The following MYRIP variants were observed in gnomAD, a reference collection of about 807,000 sequenced individuals.
The protein encoded by MYRIP is rab effector MyRIP.
MYRIP carries 49 observed loss-of-function variants against 98.0 expected under a neutral mutation model. That is an observed-to-expected ratio of 0.50 (90% confidence interval 0.40 to 0.63). The LOEUF is 0.63. Among genes scored for constraint, MYRIP ranks in the 30% least tolerant of loss-of-function variants. The pLI is 0.00. For missense variants in MYRIP, 1,004 were observed against 1,058.2 expected (o/e 0.95, Z 0.71); for synonymous variants, 404 against 409.5 (o/e 0.99, Z 0.16).
At chr3:40,027,160 G>C (rs926890027) in intron 2 of MYRIP, among the ~76,000 whole-genome samples, 1 of 152,004 alleles carries the variant, frequency 6.6e-6, no homozygotes, top group Non-Finnish European at 1.5e-5. Context: ...TCCATGAACA[G>C]CTTCACTCCC....
intron 3 of MYRIP, among the ~76,000 whole-genome samples, chr3:40,094,011 G>A (rs557415186): frequency 6.6e-6 from 1 of 152,060 alleles, no homozygotes; most frequent in Admixed American, 6.5e-5. Flanking sequence ...CAAGGCCTTT[G>A]CACGTGCTAT....
chr3:40,089,464 GC>G (rs1948698345), intron 3 of MYRIP, among the ~76,000 whole-genome samples: 1 of 152,182 alleles, frequency 6.6e-6, no homozygotes, highest in African/African-American at 2.4e-5. Context: ...CCATCTTTAA[GC>G]TTGGCGGCTT....
chr3:39,844,870 C>G (rs1941912593), intron 1 of MYRIP, among the ~76,000 whole-genome samples: 1 of 152,182 alleles, frequency 6.6e-6, no homozygotes, highest in Non-Finnish European at 1.5e-5. Context: ...TTGGGTTATG[C>G]ATACGGGACA....
Position 39,923,734 on chromosome 3 carries a change from T to G in MYRIP, c.110+22808T>G, listed in dbSNP as rs573003931. Among the ~76,000 whole-genome samples, 7 of 152,296 alleles carry G rather than the reference T, an allele frequency of 4.6e-5. No individual in the cohort carries two copies. In the East Asian group the frequency reaches 1.3e-3, roughly 29 times the overall value. ...AAATATTGATAAATACAATAGGCTT[T>G]CTTTATCCTTTTCTAAATATATTTT... On this transcript the variant is annotated intron_variant, in intron 2 of 16. Transcript: ENST00000302541.
intron 2 of MYRIP, among the ~76,000 whole-genome samples, chr3:39,931,965 T>C (rs746514873): frequency 6.6e-6 from 1 of 152,232 alleles, no homozygotes; most frequent in Non-Finnish European, 1.5e-5. Flanking sequence ...GGTCTGTACT[T>C]TTCTTGTGAT....
chr3:39,870,570 T>G (rs1286424963), intron 1 of MYRIP, among the ~76,000 whole-genome samples: 5 of 152,336 alleles, frequency 3.3e-5, no homozygotes, highest in African/African-American at 9.6e-5. Flanking sequence ...AGGAAATATT[T>G]CTCTAAAAGG....
rs775554230 is a variant in MYRIP at position 40,189,881 on chromosome 3, C to T, written c.1083C>T (p.Gly361=). 1.5e-5 allele frequency: 25 copies of T among 1,613,938 alleles called. No individual in the cohort carries two copies. Among genetic ancestry groups the T allele is most frequent in the East Asian group, 8.9e-5 (4 of 44,888 alleles). ...GGAACTGGGTGGCCCTGAAGGATGG[C>T]GCTCCACCCCCCACCCGACTACTGG... ...PDGNWVALKD[G]APPPTRLLAK... The change falls in exon 10 of 17, where the codon GGC becomes GGT. Residue 361 remains glycine, a synonymous_variant. Coordinates refer to ENST00000302541, the MANE Select transcript of MYRIP (RefSeq NM_015460.4).
chr3:40,058,867 G>T (rs1484737496), intron 3 of MYRIP, among the ~76,000 whole-genome samples: 1 of 152,022 alleles, frequency 6.6e-6, no homozygotes, highest in Non-Finnish European at 1.5e-5. Context: ...ATGTGCCATG[G>T]TGGTTTGCTG....
intron 1 of MYRIP, among the ~76,000 whole-genome samples, chr3:39,838,648 A>G (rs1941700482): frequency 6.6e-6 from 1 of 152,114 alleles, no homozygotes; most frequent in South Asian, 2.1e-4. Context: ...GATGTTCTTC[A>G]GGGTTATTGG....
chr3:39,836,624 TA>T (rs1480167531), intron 1 of MYRIP, among the ~76,000 whole-genome samples: 1 of 152,176 alleles, frequency 6.6e-6, no homozygotes, highest in East Asian at 1.9e-4. Flanking sequence ...ATGATTAAAG[TA>T]CACTGGCACA....
At chr3:40,062,424 C>T (rs1292737544) in intron 3 of MYRIP, among the ~76,000 whole-genome samples, 1 of 152,030 alleles carries the variant, frequency 6.6e-6, no homozygotes, top group Non-Finnish European at 1.5e-5. Context: ...AGCCTTAGTT[C>T]TGAAAGCCCT....
At chr3:39,824,476 T>C (rs1941206427) in intron 1 of MYRIP, among the ~76,000 whole-genome samples, 1 of 152,210 alleles carries the variant, frequency 6.6e-6, no homozygotes, top group Non-Finnish European at 1.5e-5. Flanking sequence ...ATTCATTATT[T>C]TGAACCTTGA....
rs534107724 is a variant in MYRIP, at chr3:40,192,042, C to T, written c.1665+1579C>T. Among the ~76,000 whole-genome samples, 43 of 151,822 alleles carry T rather than the reference C, an allele frequency of 2.8e-4. No homozygotes were observed. In the South Asian group the frequency reaches 8.3e-3, roughly 29 times the overall value. On this transcript the variant is annotated intron_variant, in intron 10 of 16. Coordinates refer to ENST00000302541, the MANE Select transcript of MYRIP (RefSeq NM_015460.4). ...AGTGACCTTGAGCTAGTGGCAGTAC[C>T]CACTCCTCTCCACTAGGTGGGGATG...
chr3:40,025,762 A>C (rs1947112547), intron 2 of MYRIP, among the ~76,000 whole-genome samples: 1 of 152,146 alleles, frequency 6.6e-6, no homozygotes, highest in African/African-American at 2.4e-5. Flanking sequence ...AGTTTTATTA[A>C]GGATTTCAAA....
chr3:40,104,057 T>C (rs1190320072), intron 3 of MYRIP, among the ~76,000 whole-genome samples: 1 of 152,198 alleles, frequency 6.6e-6, no homozygotes, highest in Non-Finnish European at 1.5e-5. Flanking sequence ...TGCACATAAG[T>C]CTAAATACCT....
At chr3:40,249,046 A>T (rs191465679) in intron 13 of MYRIP, among the ~76,000 whole-genome samples, 1 of 152,194 alleles carries the variant, frequency 6.6e-6, no homozygotes, top group East Asian at 1.9e-4. Flanking sequence ...CTTTCTGTGT[A>T]CCTCCTATAG....
At chr3:40,158,622 T>C (rs1417110563) in intron 4 of MYRIP, among the ~76,000 whole-genome samples, 1 of 152,184 alleles carries the variant, frequency 6.6e-6, no homozygotes, top group African/African-American at 2.4e-5. Context: ...TATTATTGTT[T>C]GGGAGTCTAA....
At chr3:39,903,171 C>T (rs1033500286) in intron 2 of MYRIP, among the ~76,000 whole-genome samples, 5 of 152,036 alleles carry the variant, frequency 3.3e-5, no homozygotes, top group East Asian at 1.9e-4. Flanking sequence ...ATATTACTGT[C>T]GAATAAAAAG....
At chr3:40,246,487 C>T (rs944372611) in intron 13 of MYRIP, among the ~76,000 whole-genome samples, 9 of 152,142 alleles carry the variant, frequency 5.9e-5, no homozygotes, top group Non-Finnish European at 1.2e-4. Flanking sequence ...GTCAAATATG[C>T]ATTTATTTTC....
Sources: allele counts gnomAD v4.1 joint callset (sites outside exome capture counted in the v4.1 genomes callset), GRCh38; gene constraint gnomAD v4.1.1; transcripts MANE v1.5; gene names NCBI Gene and HGNC (gene_info 2026-07-23, HGNC 2026-07-21).